The following TRAPPC11 variants were observed in gnomAD, a reference collection of about 807,000 sequenced individuals.
The protein encoded by TRAPPC11 is trafficking protein particle complex subunit 11.
A neutral mutation model predicts 151.2 loss-of-function variants in TRAPPC11; 104 were observed. The ratio of observed to expected loss-of-function variants is 0.69; its 90% CI spans 0.59 to 0.81. TRAPPC11 has a LOEUF of 0.81. Among genes scored for constraint, TRAPPC11 ranks in the 30% least tolerant of loss-of-function variants. The probability of loss-of-function intolerance (pLI) is 0.00; values close to 1 mark genes in which losing one functional copy is unlikely to be tolerated. For missense variants in TRAPPC11, 1,230 were observed against 1,349.6 expected, an observed-to-expected ratio of 0.91 and a Z score of 1.39; for synonymous variants, 456 against 472.3, an observed-to-expected ratio of 0.97 and a Z score of 0.45.
At chr4:183,699,294 G>C (rs1054033673) in intron 25 of TRAPPC11, among the ~76,000 whole-genome samples, 7 of 152,256 alleles carry the variant, frequency 4.6e-5, no homozygotes, top group African/African-American at 1.7e-4. Flanking sequence ...CAGGGCTCTT[G>C]TAAACTTGAA....
Position 183,676,325 on chromosome 4 carries a change from T to C in TRAPPC11, c.734+1088T>C. Among the ~76,000 whole-genome samples, 2 of 152,070 alleles carry C rather than the reference T, an allele frequency of 1.3e-5. 1 individual carries two copies. Among genetic ancestry groups the C allele is most frequent in the East Asian group, 3.9e-4 (2 of 5,168 alleles). ...CCACCACGCCCAGCTAATTTTTATATTTTTAGTAGAGACAGGGTTTCACCA... is the reference window on the plus strand; with the variant it reads ...CCACCACGCCCAGCTAATTTTTATACTTTTAGTAGAGACAGGGTTTCACCA... On this transcript the variant is annotated intron_variant, in intron 7 of 29. Transcript: ENST00000334690.
intron 18 of TRAPPC11, among the ~76,000 whole-genome samples, chr4:183,688,877 A>G (rs1338169915): frequency 6.6e-6 from 1 of 152,066 alleles, no homozygotes; most frequent in Non-Finnish European, 1.5e-5. Context: ...TCCTCTGAGT[A>G]GCTGGGACTA....
chr4:183,665,654 G>A (rs989693490), intron 2 of TRAPPC11, among the ~76,000 whole-genome samples: 2 of 152,168 alleles, frequency 1.3e-5, no homozygotes, highest in African/African-American at 4.8e-5. Context: ...GGTTTCAACT[G>A]CATCCCTCAG....
chr4:183,663,029 A>G (rs1436499220), intron 1 of TRAPPC11, among the ~76,000 whole-genome samples: 2 of 152,198 alleles, frequency 1.3e-5, no homozygotes, highest in African/African-American at 2.4e-5. Context: ...CAGTTTGCAG[A>G]TACTCAAAGC....
intron 1 of TRAPPC11, among the ~76,000 whole-genome samples, chr4:183,661,751 G>C (rs904049476): frequency 1.4e-5 from 2 of 139,376 alleles, no homozygotes; most frequent in Non-Finnish European, 3.1e-5. Context: ...ATTTTGTTTG[G>C]AATAACTTTT....
At chr4:183,693,468 A>T in intron 20 of TRAPPC11, 121 bp from the exon 21 acceptor site, 1 of 1,113,510 alleles carries the variant, frequency 9.0e-7, no homozygotes, top group Non-Finnish European at 1.3e-6. Flanking sequence ...AGTCTCCCAA[A>T]ATGCTGGGAT....
At chr4:183,706,609 A>G (rs1213406857) in intron 27 of TRAPPC11, among the ~76,000 whole-genome samples, 198 bp from the exon 28 acceptor site, 2 of 152,038 alleles carry the variant, frequency 1.3e-5, no homozygotes, top group African/African-American at 2.4e-5. Flanking sequence ...TTTTAGAAGG[A>G]CACTCATTTC....
intron 1 of TRAPPC11, among the ~76,000 whole-genome samples, chr4:183,660,842 T>C (rs1403416114): frequency 1.3e-5 from 2 of 152,140 alleles, no homozygotes; most frequent in East Asian, 1.9e-4. Context: ...GCCTCCCGAG[T>C]AGCTGGGACT....
intron 25 of TRAPPC11, among the ~76,000 whole-genome samples, chr4:183,698,720 T>C (rs190308896): frequency 5.1e-4 from 78 of 152,342 alleles, no homozygotes; most frequent in Non-Finnish European, 9.8e-4. Context: ...TCATTTCCAG[T>C]ATCCTGACGT....
In TRAPPC11 at chr4:183,663,864, A is replaced by G. The variant is rs1222543457; in HGVS notation, c.-4A>G. The G allele has an allele frequency of 4.3e-6, 7 of 1,611,794 alleles. No individual in the cohort carries two copies. Among genetic ancestry groups the G allele is most frequent in the Non-Finnish European group, 5.9e-6 (7 of 1,178,836 alleles). ...TATTTCAGGTTTTTTGTGACATCGT[A>G]AACATGAGCCCCACACAGTGGGACT... is the stretch of plus-strand genomic sequence containing the variant. On this transcript the variant is annotated 5_prime_UTR_variant, in exon 2 of 30. Transcript: ENST00000334690.
intron 7 of TRAPPC11, 80 bp from the exon 8 acceptor site, chr4:183,677,378 T>G: frequency 3.6e-6 from 3 of 835,268 alleles, no homozygotes; most frequent in Non-Finnish European, 6.1e-6. Context: ...GAGTAAATAT[T>G]CTTTGTTATT....
rs1041157583 is a variant in TRAPPC11 at position 183,677,516 on chromosome 4, C to T, written c.793C>T (p.Leu265=). Residue 265 remains leucine, a synonymous_variant, in exon 8 of 30, where the codon CTG becomes TTG. Transcript: ENST00000334690. ...HELRAHETNI[L]EIKTMAGFIN... ...ATTGAGAGCCCATGAAACTAATATT[C>T]TGGAAATTAAGACTATGGCAGGATT... 5 of 1,607,708 alleles carry T rather than the reference C, an allele frequency of 3.1e-6. No individual in the cohort carries two copies.
intron 1 of TRAPPC11, among the ~76,000 whole-genome samples, chr4:183,661,077 T>C (rs964595737): frequency 4.6e-5 from 7 of 152,072 alleles, no homozygotes; most frequent in Non-Finnish European, 2.9e-5. Context: ...TCTCTGAACA[T>C]GCAATCCTTT....
intron 26 of TRAPPC11, among the ~76,000 whole-genome samples, 159 bp from the exon 27 acceptor site, chr4:183,704,820 T>A (rs972434131): frequency 1.3e-5 from 2 of 151,908 alleles, no homozygotes; most frequent in African/African-American, 2.4e-5. Context: ...CTCAAAAAAA[T>A]AATAATAAAA....
chr4:183,684,584 C>A, intron 14 of TRAPPC11, 112 bp from the exon 15 acceptor site: 1 of 1,213,902 alleles, frequency 8.2e-7, no homozygotes, highest in Non-Finnish European at 1.2e-6. Context: ...TCAACCATCT[C>A]AGTAAGATTT....
chr4:183,699,526 T>C (rs895214196), intron 25 of TRAPPC11, among the ~76,000 whole-genome samples: 1 of 152,238 alleles, frequency 6.6e-6, no homozygotes, highest in Non-Finnish European at 1.5e-5. Context: ...TTTACTAAAT[T>C]AAGGAATAAT....
At chr4:183,709,823 C>G (rs756226352) in intron 29 of TRAPPC11, among the ~76,000 whole-genome samples, 4 of 152,004 alleles carry the variant, frequency 2.6e-5, no homozygotes, top group Non-Finnish European at 4.4e-5. Flanking sequence ...TTTTGGATAT[C>G]CTTGTGTTTA....
At chr4:183,692,670 G>C (rs61090560) in intron 19 of TRAPPC11, among the ~76,000 whole-genome samples, 1 of 152,262 alleles carries the variant, frequency 6.6e-6, no homozygotes, top group African/African-American at 2.4e-5. Flanking sequence ...CATTACATCA[G>C]GGACTATGCC....
intron 23 of TRAPPC11, 117 bp downstream of exon 23, chr4:183,694,840 TATAA>T: frequency 1.9e-6 from 2 of 1,039,274 alleles, no homozygotes; most frequent in Non-Finnish European, 2.7e-6. Context: ...TATAGTCTGT[TATAA>T]ATTTTAATTA....
Sources: gnomAD v4.1 joint callset for allele counts (sites outside exome capture counted in the v4.1 genomes callset) on GRCh38, gnomAD v4.1.1 for gene constraint, MANE v1.5 for transcripts, NCBI Gene and HGNC (gene_info 2026-07-23, HGNC 2026-07-21) for gene names.